APBA1: variants seen among roughly 807,000 people sequenced by gnomAD.
APBA1 encodes the protein amyloid beta precursor protein binding family A member 1.
APBA1 carries 55 observed loss-of-function variants against 86.6 expected under a neutral mutation model. That is an observed-to-expected ratio of 0.64 (90% CI 0.51 to 0.80). The LOEUF is 0.80. Among genes scored for constraint, APBA1 ranks in the 30% least tolerant of loss-of-function variants. The pLI is 0.00. For synonymous variants in APBA1, 511 were observed against 493.9 expected, an observed-to-expected ratio of 1.03 and a Z score of -0.46; for missense variants, 1,090 against 1,183.0, an observed-to-expected ratio of 0.92 and a Z score of 1.15.
chr9:69,522,960 G>C (rs1264721235), intron 1 of APBA1, among the ~76,000 whole-genome samples: 1 of 152,150 alleles, frequency 6.6e-6, no homozygotes, highest in Non-Finnish European at 1.5e-5. Flanking sequence ...TGAAGAAGGG[G>C]TGCTGTGGCA....
At chr9:69,558,763 T>C (rs2133936095) in intron 1 of APBA1, among the ~76,000 whole-genome samples, 1 of 152,220 alleles carries the variant, frequency 6.6e-6, no homozygotes, top group East Asian at 1.9e-4. Context: ...CCAGTGTCTG[T>C]TGTTCCCTTC....
intron 1 of APBA1, among the ~76,000 whole-genome samples, chr9:69,546,679 A>G (rs1836703470): frequency 6.6e-6 from 1 of 152,256 alleles, no homozygotes; most frequent in African/African-American, 2.4e-5. Context: ...GGGCAAAAGA[A>G]AAAACATCAT....
intron 1 of APBA1, among the ~76,000 whole-genome samples, chr9:69,616,292 C>T (rs1822698288): frequency 6.6e-6 from 1 of 152,122 alleles, no homozygotes; most frequent in Non-Finnish European, 1.5e-5. Context: ...TTGCTAATAC[C>T]ATATGCTGTA....
chr9:69,452,221 G>A lies in APBA1; in HGVS notation c.1869C>T (p.Pro623=), dbSNP rs773151044. ...QEFLRANGIN[P]EDLSQKEYSD... is the part of the protein sequence containing the mutation. ...TATACTCCTTCTGGCTGAGATCTTC[G>A]GGGTTAATCCCATTGGCCCTGAGGA... is the stretch of plus-strand genomic sequence containing the variant. The change falls in exon 9 of 13, where the codon CCC becomes CCT. Residue 623 remains proline (P), a synonymous_variant. Transcript: ENST00000265381. 45 of 1,614,072 alleles carry A rather than the reference G, an allele frequency of 2.8e-5. No individual in the cohort carries two copies. The highest frequency in any genetic ancestry group is 2.5e-4 in the South Asian group (23 of 91,082).
intron 1 of APBA1, among the ~76,000 whole-genome samples, chr9:69,652,471 C>T (rs1244120843): frequency 1.3e-5 from 2 of 152,072 alleles, no homozygotes; most frequent in African/African-American, 4.8e-5. Flanking sequence ...TGTGGCTGCA[C>T]AGAAGCAGCC....
chr9:69,547,856 C>A (rs1836722402), intron 1 of APBA1, among the ~76,000 whole-genome samples: 1 of 152,300 alleles, frequency 6.6e-6, no homozygotes, highest in African/African-American at 2.4e-5. Flanking sequence ...GGGGTTCCTA[C>A]CAACCCAAGA....
At chr9:69,452,385 G>A in intron 8 of APBA1, 84 bp from the exon 9 acceptor site, 2 of 1,360,670 alleles carry the variant, frequency 1.5e-6, no homozygotes, top group South Asian at 1.3e-5. Flanking sequence ...CCTGAACAAT[G>A]GCCCTCCTGG....
At chr9:69,564,307 T>C (rs1836992575) in intron 1 of APBA1, among the ~76,000 whole-genome samples, 1 of 152,206 alleles carries the variant, frequency 6.6e-6, no homozygotes, top group Non-Finnish European at 1.5e-5. Context: ...GCTTTATGAA[T>C]ATTAATGTAG....
At chr9:69,633,512 G>A (rs905293313) in intron 1 of APBA1, among the ~76,000 whole-genome samples, 2 of 152,174 alleles carry the variant, frequency 1.3e-5, no homozygotes, top group Non-Finnish European at 2.9e-5. Context: ...AGGGCAAAGT[G>A]AGGGACTCTA....
intron 1 of APBA1, among the ~76,000 whole-genome samples, chr9:69,666,149 G>A (rs1409616465): frequency 6.6e-6 from 1 of 152,136 alleles, no homozygotes; most frequent in Non-Finnish European, 1.5e-5. Context: ...AAAATGAAAG[G>A]CAAAGCATTT....
At chr9:69,551,648 A>G (rs1836787554) in intron 1 of APBA1, among the ~76,000 whole-genome samples, 1 of 152,118 alleles carries the variant, frequency 6.6e-6, no homozygotes, top group African/African-American at 2.4e-5. Flanking sequence ...TTTTTCTGCC[A>G]ATATTACATG....
intron 2 of APBA1, among the ~76,000 whole-genome samples, chr9:69,490,363 T>C (rs1004132490): frequency 2.6e-5 from 4 of 151,888 alleles, no homozygotes; most frequent in South Asian, 2.1e-4. Flanking sequence ...TTAGGAGATA[T>C]ACCTAATGCT....
intron 11 of APBA1, among the ~76,000 whole-genome samples, chr9:69,435,733 C>T (rs1834698373): frequency 6.6e-6 from 1 of 152,150 alleles, no homozygotes; most frequent in Admixed American, 6.6e-5. Flanking sequence ...TTCTCCCTTT[C>T]TGTAGGTTGC....
intron 1 of APBA1, among the ~76,000 whole-genome samples, chr9:69,656,885 CCGGACTG>C (rs553356620): frequency 4.9e-5 from 7 of 142,688 alleles, no homozygotes; most frequent in African/African-American, 1.8e-4. Flanking sequence ...GTCGCCCAGG[CCGGACTG>C]CGGACTGCAG....
chr9:69,663,853 G>A (rs1387105356), intron 1 of APBA1, among the ~76,000 whole-genome samples: 1 of 152,158 alleles, frequency 6.6e-6, no homozygotes, highest in Admixed American at 6.5e-5. Context: ...TCCAAAATGT[G>A]TATTTCAGAA....
chr9:69,513,042 T>G (rs11139044), intron 2 of APBA1, among the ~76,000 whole-genome samples: 22,908 of 152,130 alleles, frequency 0.15, 2,299 homozygotes, highest in East Asian at 0.28. Context: ...CATGACAGAT[T>G]AAATACAACC....
chr9:69,440,144 G>A (rs972428780), intron 11 of APBA1, among the ~76,000 whole-genome samples: 1 of 152,202 alleles, frequency 6.6e-6, no homozygotes, highest in Non-Finnish European at 1.5e-5. Flanking sequence ...TCCTCTGGAA[G>A]TTTTGTCTCA....
intron 5 of APBA1, among the ~76,000 whole-genome samples, chr9:69,466,259 A>G (rs1247972452): frequency 6.6e-6 from 1 of 152,176 alleles, no homozygotes; most frequent in Non-Finnish European, 1.5e-5. Context: ...TTCACACAGC[A>G]TCCTGGGAAC....
chr9:69,440,891 G>C, intron 11 of APBA1, 105 bp downstream of exon 11: 1 of 1,390,172 alleles, frequency 7.2e-7, no homozygotes, highest in Non-Finnish European at 9.9e-7. Context: ...GGGAGTTGTA[G>C]ACTGGAGCTG....
Sources: allele counts gnomAD v4.1 joint callset (sites outside exome capture counted in the v4.1 genomes callset), GRCh38; gene constraint gnomAD v4.1.1; transcripts MANE v1.5; gene names NCBI Gene and HGNC (gene_info 2026-07-23, HGNC 2026-07-21).